DNAJC3: variants seen among roughly 807,000 people sequenced by gnomAD.
The protein encoded by DNAJC3 is DnaJ heat shock protein family (Hsp40) member C3.
A neutral mutation model predicts 68.6 loss-of-function variants in DNAJC3; 38 were observed. The observed-to-expected ratio is 0.55, with a 90% confidence interval of 0.43 to 0.73. DNAJC3 has a LOEUF of 0.73. Ranked by LOEUF, DNAJC3 falls within the 30% of genes least tolerant of loss-of-function variation. The pLI is 0.00. For synonymous variants in DNAJC3, 203 were observed against 204.0 expected (o/e 1.00, Z 0.04); for missense variants, 526 against 591.9 (o/e 0.89, Z 1.16).
intron 4 of DNAJC3, among the ~76,000 whole-genome samples, chr13:95,742,024 G>A (rs1194255831): frequency 6.6e-6 from 1 of 152,232 alleles, no homozygotes; most frequent in East Asian, 1.9e-4. Flanking sequence ...GGAGGCAGCA[G>A]TGGCTGTGCT....
rs1285801513 is a variant in DNAJC3, at chr13:95,677,168, C to CGGCG, written c.-79_-76dup. The CGGCG allele has an allele frequency of 1.0e-5, 13 of 1,277,338 alleles. No individual in the cohort carries two copies. The highest frequency in any genetic ancestry group is 4.1e-5 in the Admixed American group (2 of 48,390). The allele number at this position is 1,277,338 out of a possible 1,614,324, so 79.1% of individuals were successfully genotyped here. A position where few individuals can be genotyped will look rare whatever the true frequency, so the allele number is the denominator to read the frequency against. On this transcript the variant is annotated 5_prime_UTR_variant, in exon 1 of 12. Coordinates refer to ENST00000602402, the MANE Select transcript of DNAJC3 (RefSeq NM_006260.5). Reference sequence around the variant, plus strand: ...CCACTGAGGCCTGAGCGAGAGCCGACGGCGGGCGGGCGCAGCTGCTGCCGG... The same window carrying CGGCG: ...CCACTGAGGCCTGAGCGAGAGCCGACGGCGGGCGGGCGGGCGCAGCTGCTGCCGG...
chr13:95,707,621 A>G (rs547402482), intron 1 of DNAJC3, among the ~76,000 whole-genome samples: 2 of 152,208 alleles, frequency 1.3e-5, no homozygotes, highest in South Asian at 2.1e-4. Context: ...CCCAATACCA[A>G]TTGTGTGTCA....
intron 1 of DNAJC3, chr13:95,693,589 A>G (rs527860791): frequency 6.8e-6 from 1 of 146,858 alleles, no homozygotes; most frequent in Non-Finnish European, 1.5e-5. Flanking sequence ...TAAAACTTAC[A>G]GCCCTTAGTG....
rs1215139933 is a variant in DNAJC3, at chr13:95,738,394, C to T, written c.393+13142C>T. Among the ~76,000 whole-genome samples, 131 of 148,630 alleles carry T rather than the reference C, an allele frequency of 8.8e-4. 1 individual carries two copies. Among genetic ancestry groups the T allele is most frequent in the African/African-American group, 3.1e-3 (126 of 40,348 alleles). ...GGGTATCCTTGTTGACTTTCTGTCT[C>T]GTTGATCTGTCTAATGTTGACAGTG... On this transcript the variant is annotated intron_variant, in intron 4 of 11. Transcript: ENST00000602402.
intron 9 of DNAJC3, among the ~76,000 whole-genome samples, chr13:95,783,697 G>C (rs17268589): frequency 6.6e-6 from 1 of 152,116 alleles, no homozygotes; most frequent in Non-Finnish European, 1.5e-5. Flanking sequence ...GTGGTGGTTC[G>C]TTTCTGTACG....
At chr13:95,743,124 T>C (rs1483568150) in intron 4 of DNAJC3, among the ~76,000 whole-genome samples, 1 of 152,250 alleles carries the variant, frequency 6.6e-6, no homozygotes, top group Non-Finnish European at 1.5e-5. Flanking sequence ...CTTTATTCTG[T>C]TCCTTTGATC....
chr13:95,740,490 C>T (rs1258666004), intron 4 of DNAJC3, among the ~76,000 whole-genome samples: 3 of 152,236 alleles, frequency 2.0e-5, no homozygotes, highest in Non-Finnish European at 4.4e-5. Flanking sequence ...CCCTCCGAGC[C>T]AGGTGCCGGA....
rs761184824 is a variant in DNAJC3, at chr13:95,791,007, A to C, written c.1492A>C (p.Arg498=). 3.7e-6 allele frequency: 6 copies of C among 1,613,780 alleles called. No homozygotes were observed. Among genetic ancestry groups the C allele is most frequent in the South Asian group, 1.1e-5 (1 of 90,960 alleles). Residue 498 remains arginine (R), a synonymous_variant, in exon 12 of 12, where the codon AGA becomes CGA. Coordinates refer to ENST00000602402, the MANE Select transcript of DNAJC3 (RefSeq NM_006260.5). ...FNPFSSGGPF[R]FKFHFN is the part of the protein sequence containing the mutation. ...TCCCTTCAGCTCAGGCGGACCATTTAGATTTAAATTCCACTTCAATTAAAC... is the reference window on the plus strand; with the variant it reads ...TCCCTTCAGCTCAGGCGGACCATTTCGATTTAAATTCCACTTCAATTAAAC...
intron 2 of DNAJC3, among the ~76,000 whole-genome samples, chr13:95,711,523 ACT>A (rs977301065): frequency 6.6e-6 from 1 of 151,806 alleles, no homozygotes; most frequent in Non-Finnish European, 1.5e-5. Context: ...GAAAACAAAA[ACT>A]CTACTCAAGA....
intron 4 of DNAJC3, among the ~76,000 whole-genome samples, chr13:95,754,970 T>C (rs1249418819): frequency 1.3e-5 from 2 of 152,040 alleles, no homozygotes. Flanking sequence ...AAAATATTGT[T>C]ACAGGAAGGG....
intron 4 of DNAJC3, among the ~76,000 whole-genome samples, chr13:95,755,756 C>CAAAAAAAAAA (rs56659621): frequency 5.3e-4 from 8 of 15,084 alleles, no homozygotes; most frequent in Non-Finnish European, 8.0e-4. Context: ...GACGCCGTCT[C>CAAAAAAAAAA]AAAAAAAAAA....
chr13:95,765,666 A>G (rs985399998), intron 9 of DNAJC3, among the ~76,000 whole-genome samples: 12 of 150,110 alleles, frequency 8.0e-5, no homozygotes, highest in African/African-American at 3.0e-4. Context: ...CCACCTCCCA[A>G]TTGCAACCAA....
At chr13:95,732,825 T>G (rs1245053265) in intron 4 of DNAJC3, among the ~76,000 whole-genome samples, 1 of 152,136 alleles carries the variant, frequency 6.6e-6, no homozygotes, top group Non-Finnish European at 1.5e-5. Flanking sequence ...CTCTTAGCAC[T>G]GCTTTGGCTG....
At chr13:95,789,158 T>C (rs976866524) in intron 11 of DNAJC3, among the ~76,000 whole-genome samples, 1 of 152,208 alleles carries the variant, frequency 6.6e-6, no homozygotes, top group African/African-American at 2.4e-5. Flanking sequence ...CTAAGTCTTT[T>C]TATTTTTTTT....
intron 9 of DNAJC3, among the ~76,000 whole-genome samples, chr13:95,772,288 G>C (rs1357183002): frequency 2.0e-5 from 3 of 152,264 alleles, no homozygotes; most frequent in African/African-American, 7.2e-5. Flanking sequence ...TTTATCTACT[G>C]TCATATTACC....
chr13:95,739,930 C>G (rs1024046800), intron 4 of DNAJC3, among the ~76,000 whole-genome samples: 2 of 152,146 alleles, frequency 1.3e-5, no homozygotes, highest in Non-Finnish European at 2.9e-5. Flanking sequence ...GTTTTTTCCC[C>G]ATCTTTGTGG....
At chr13:95,781,955 G>C (rs12877518) in intron 9 of DNAJC3, among the ~76,000 whole-genome samples, 1 of 151,950 alleles carries the variant, frequency 6.6e-6, no homozygotes, top group African/African-American at 2.4e-5. Context: ...CCCTCCCCCA[G>C]CCCCCTACCT....
intron 4 of DNAJC3, among the ~76,000 whole-genome samples, chr13:95,739,322 G>T (rs1490803007): frequency 6.6e-6 from 1 of 151,106 alleles, no homozygotes; most frequent in African/African-American, 2.4e-5. Flanking sequence ...TCTTCTCGAG[G>T]AGTATCTTTG....
chr13:95,710,404 A>G (rs749128151), intron 2 of DNAJC3, among the ~76,000 whole-genome samples: 1 of 151,356 alleles, frequency 6.6e-6, no homozygotes, highest in Non-Finnish European at 1.5e-5. Flanking sequence ...TTTATTTTTT[A>G]TATTTTTGTA....
Sources: gnomAD v4.1 joint callset for allele counts (sites outside exome capture counted in the v4.1 genomes callset) on GRCh38, gnomAD v4.1.1 for gene constraint, MANE v1.5 for transcripts, NCBI Gene and HGNC (gene_info 2026-07-23, HGNC 2026-07-21) for gene names.